DLGAP1: variants seen among roughly 807,000 people sequenced by gnomAD.
The protein encoded by DLGAP1 is disks large-associated protein 1.
DLGAP1 carries 11 observed loss-of-function variants against 90.8 expected under a neutral mutation model. The observed-to-expected ratio is 0.12, with a 90% CI of 0.08 to 0.20. DLGAP1 has a LOEUF of 0.20. DLGAP1 is among the 10% of genes least tolerant of loss of function. The pLI, the probability that DLGAP1 is intolerant of heterozygous loss-of-function variation, is 1.00. For synonymous variants in DLGAP1, 558 were observed against 540.7 expected (o/e 1.03, Z -0.44); for missense variants, 1,050 against 1,333.8 (o/e 0.79, Z 3.31).
At chr18:3,934,154 G>C (rs2072582804) in intron 3 of DLGAP1, among the ~76,000 whole-genome samples, 1 of 152,174 alleles carries the variant, frequency 6.6e-6, no homozygotes, top group Non-Finnish European at 1.5e-5. Flanking sequence ...TAGTGACAAA[G>C]TACAGCCTTT....
intron 3 of DLGAP1, among the ~76,000 whole-genome samples, chr18:3,964,862 G>A (rs1365814599): frequency 2.0e-5 from 3 of 152,098 alleles, no homozygotes; most frequent in Non-Finnish European, 2.9e-5. Flanking sequence ...TGGGAACAAG[G>A]GAGTCTCACT....
chr18:4,337,196 T>TC (rs1163416444), intron 1 of DLGAP1, among the ~76,000 whole-genome samples: 1 of 144,174 alleles, frequency 6.9e-6, no homozygotes, highest in African/African-American at 2.5e-5. Flanking sequence ...TAGTTGGCTT[T>TC]TTTTTTTTTT....
chr18:3,929,131 T>C (rs900504184), intron 3 of DLGAP1, among the ~76,000 whole-genome samples: 5 of 152,210 alleles, frequency 3.3e-5, no homozygotes, highest in Admixed American at 6.5e-5. Context: ...TCTTTTTCTT[T>C]ATAAATTACA....
intron 4 of DLGAP1, among the ~76,000 whole-genome samples, chr18:3,854,626 C>T (rs1426308311): frequency 6.6e-6 from 1 of 152,190 alleles, no homozygotes; most frequent in Non-Finnish European, 1.5e-5. Flanking sequence ...TAACCAGTGG[C>T]CCTTGCCTAG....
chr18:3,925,475 C>T (rs546878810), intron 3 of DLGAP1, among the ~76,000 whole-genome samples: 2 of 152,160 alleles, frequency 1.3e-5, no homozygotes, highest in African/African-American at 4.8e-5. Context: ...CCTTGGGGTG[C>T]CCTGGCCCTT....
intron 1 of DLGAP1, among the ~76,000 whole-genome samples, chr18:4,406,156 G>A (rs2082660172): frequency 6.6e-6 from 1 of 152,204 alleles, no homozygotes; most frequent in South Asian, 2.1e-4. Flanking sequence ...ATCAGAGGCT[G>A]AAGTGGTTAC....
intron 3 of DLGAP1, among the ~76,000 whole-genome samples, chr18:4,004,064 A>G (rs979186903): frequency 1.3e-5 from 2 of 150,348 alleles, no homozygotes; most frequent in Non-Finnish European, 2.9e-5. Context: ...ATATAATTAA[A>G]CAAATAATTG....
chr18:4,308,510 A>G (rs2080319119), intron 1 of DLGAP1, among the ~76,000 whole-genome samples: 1 of 152,226 alleles, frequency 6.6e-6, no homozygotes, highest in African/African-American at 2.4e-5. Flanking sequence ...GAAAACTCCA[A>G]TTATGGAAAG....
At chr18:4,228,118 A>G (rs1037319923) in intron 1 of DLGAP1, among the ~76,000 whole-genome samples, 1 of 151,840 alleles carries the variant, frequency 6.6e-6, no homozygotes, top group Non-Finnish European at 1.5e-5. Context: ...GAAAAAAAAA[A>G]TGCCTAGTGA....
intron 1 of DLGAP1, among the ~76,000 whole-genome samples, chr18:4,269,354 A>ATATATATT (rs1247401948): frequency 7.6e-6 from 1 of 132,124 alleles, no homozygotes; most frequent in Admixed American, 7.9e-5. Context: ...ATATATATAT[A>ATATATATT]TTTTTTTTTT....
intron 1 of DLGAP1, among the ~76,000 whole-genome samples, chr18:4,216,950 CA>C (rs2077971033): frequency 6.6e-6 from 1 of 152,026 alleles, no homozygotes; most frequent in Non-Finnish European, 1.5e-5. Context: ...GGAATTTTGA[CA>C]AACAATAATG....
intron 2 of DLGAP1, among the ~76,000 whole-genome samples, chr18:4,085,950 C>G (rs917468715): frequency 5.9e-5 from 9 of 152,152 alleles, no homozygotes; most frequent in Non-Finnish European, 1.2e-4. Context: ...TGACTTTGCT[C>G]TCAACTTGGT....
intron 1 of DLGAP1, among the ~76,000 whole-genome samples, chr18:4,261,446 A>T (rs1208632293): frequency 1.3e-5 from 2 of 152,052 alleles, no homozygotes; most frequent in African/African-American, 2.4e-5. Flanking sequence ...CTATTTTGCT[A>T]CTATTCTTCC....
At chr18:4,413,345 C>CA (rs2082823284) in intron 1 of DLGAP1, among the ~76,000 whole-genome samples, 1 of 152,148 alleles carries the variant, frequency 6.6e-6, no homozygotes, top group Non-Finnish European at 1.5e-5. Context: ...GACTATAGCA[C>CA]ATGCAAGTGC....
chr18:4,449,930 A>C (rs2083776672), intron 1 of DLGAP1, among the ~76,000 whole-genome samples: 1 of 152,204 alleles, frequency 6.6e-6, no homozygotes, highest in Non-Finnish European at 1.5e-5. Context: ...AAGGATTCAC[A>C]GGAAAGACTT....
intron 1 of DLGAP1, among the ~76,000 whole-genome samples, chr18:4,343,637 T>A (rs1399495854): frequency 6.6e-6 from 1 of 150,872 alleles, no homozygotes; most frequent in Non-Finnish European, 1.5e-5. Context: ...CATCACACAC[T>A]GGTGCCTGTT....
rs1341613924 is a variant in DLGAP1, at chr18:3,759,273, C to CAAAAAA, written c.1173-16762_1173-16761insTTTTTT. On this transcript the variant is annotated intron_variant, in intron 5 of 12. Transcript: ENST00000315677. ...TTGCTCTGCCAAAAAAAAAAAAAAA[C>CAAAAAA]AAAACCCAACCTGATTTGGTTGGGG... Among the ~76,000 whole-genome samples the CAAAAAA allele has an allele frequency of 2.1e-3, 296 of 137,748 alleles. 1 individual carries two copies. The highest frequency in any genetic ancestry group is 7.3e-3 in the African/African-American group (272 of 37,302). The allele number at this position is 137,748 out of a possible 152,430, so 90.4% of individuals were successfully genotyped here.
At chr18:3,794,318 TA>T (rs1207520955) in intron 5 of DLGAP1, among the ~76,000 whole-genome samples, 2 of 152,202 alleles carry the variant, frequency 1.3e-5, no homozygotes, top group Non-Finnish European at 2.9e-5. Flanking sequence ...ACAGAACATA[TA>T]CAGAAGAGAC....
At chr18:4,426,126 A>G (rs1462967) in intron 1 of DLGAP1, among the ~76,000 whole-genome samples, 134,815 of 152,154 alleles carry the variant, frequency 0.89, 61,931 homozygotes, top group Non-Finnish European at 1. Context: ...ATAGAGCAGC[A>G]TGGCTGTGTG....
Sources: allele counts gnomAD v4.1 joint callset (sites outside exome capture counted in the v4.1 genomes callset), GRCh38; gene constraint gnomAD v4.1.1; transcripts MANE v1.5; gene names NCBI Gene and HGNC (gene_info 2026-07-23, HGNC 2026-07-21).